SPTBN1: variants seen among roughly 807,000 people sequenced by gnomAD.
SPTBN1 encodes the protein spectrin beta, non-erythrocytic 1.
Under a neutral mutation model 266.4 loss-of-function variants are expected in SPTBN1, and 32 were observed. The observed-to-expected ratio is 0.12, with a 90% confidence interval of 0.09 to 0.16. The LOEUF (loss-of-function observed/expected upper bound fraction) is 0.16, where lower values mean the gene tolerates loss of function less well. Among genes scored for constraint, SPTBN1 ranks in the 10% least tolerant of loss-of-function variants. SPTBN1 has a pLI of 1.00. For synonymous variants in SPTBN1, 1,336 were observed against 1,162.2 expected (o/e 1.15, Z -3.04); for missense variants, 2,296 against 3,067.1 (o/e 0.75, Z 5.94).
Position 54,649,253 on chromosome 2 carries a change from G to A in SPTBN1, c.5202+63G>A. 6.6e-7 allele frequency: 1 copy of A among 1,507,454 alleles called. No individual in the cohort carries two copies. The highest frequency in any genetic ancestry group is 9.0e-7 in the Non-Finnish European group (1 of 1,110,896). 93.4% of individuals were successfully genotyped at this position (1,507,454 alleles called of 1,614,324 possible). On this transcript the variant is annotated intron_variant, in intron 25 of 35. Coordinates refer to ENST00000356805, the MANE Select transcript of SPTBN1 (RefSeq NM_003128.3). The surrounding 1 kb of genome is among the most constrained non-coding windows in gnomAD (Gnocchi z 6.7). ...TAAGCGATGGTGTGGAAGGCCATTTGCATTCCTTGTCTGTGAGCAGATAAA... is the reference window on the plus strand; with the variant it reads ...TAAGCGATGGTGTGGAAGGCCATTTACATTCCTTGTCTGTGAGCAGATAAA...
intron 1 of SPTBN1, among the ~76,000 whole-genome samples, chr2:54,497,327 A>G (rs1422943428): frequency 6.6e-6 from 1 of 152,188 alleles, no homozygotes; most frequent in Non-Finnish European, 1.5e-5. Flanking sequence ...TTATAACTGG[A>G]ACATTTAGCC....
In SPTBN1 at chr2:54,494,920, A is replaced by ATT. The variant is rs1558777699; in HGVS notation, c.-47-31452_-47-31451insTT. Among the ~76,000 whole-genome samples the ATT allele has an allele frequency of 7.1e-3, 987 of 138,148 alleles. 16 individuals carry two copies. Among genetic ancestry groups the ATT allele is most frequent in the African/African-American group, 0.03 (951 of 31,848 alleles). 90.6% of individuals were successfully genotyped at this position (138,148 alleles called of 152,430 possible). ...CCTGAATAAAGCTGTTTTTTTTTAA[A>ATT]AAAAAAAAAATGTCCTGAAAAAAGT... On this transcript the variant is annotated intron_variant, in intron 1 of 35. Transcript: ENST00000356805.
At chr2:54,498,049 T>C (rs188722075) in intron 1 of SPTBN1, among the ~76,000 whole-genome samples, 6 of 152,328 alleles carry the variant, frequency 3.9e-5, no homozygotes, top group Middle Eastern at 3.4e-3. Flanking sequence ...TCTGTATTCT[T>C]TTGCTTAAAG....
rs779865142 is a variant in SPTBN1, at chr2:54,526,489, G to A, written c.71G>A (p.Arg24His). The change falls in exon 2 of 36, where the codon CGC (arginine) becomes CAC (histidine). Residue 24 changes from arginine (R) to histidine (H), a missense_variant. Arg to His is a conservative substitution (Grantham distance 29, BLOSUM62 0). Coordinates refer to ENST00000356805, the MANE Select transcript of SPTBN1 (RefSeq NM_003128.3). Reference protein sequence around the residue: ...IQQQYSDVNNRWDVDDWDNEN... With the variant: ...IQQQYSDVNNHWDVDDWDNEN... ...CAGCAGTACAGTGATGTCAACAACCGCTGGGATGTCGACGACTGGGACAAT... is the reference window on the plus strand; with the variant it reads ...CAGCAGTACAGTGATGTCAACAACCACTGGGATGTCGACGACTGGGACAAT... 7 of 1,614,036 alleles carry A rather than the reference G, an allele frequency of 4.3e-6. No homozygotes were observed. Among genetic ancestry groups the A allele is most frequent in the Non-Finnish European group, 5.9e-6 (7 of 1,180,016 alleles).
intron 1 of SPTBN1, among the ~76,000 whole-genome samples, chr2:54,461,290 T>G (rs1384312888): frequency 6.6e-6 from 1 of 152,254 alleles, no homozygotes; most frequent in Non-Finnish European, 1.5e-5. Flanking sequence ...CTGTATTTCA[T>G]TCAGTTTCAC....
At position 54,646,636 on chromosome 2, in the gene SPTBN1, G is replaced by A. The variant is rs1444896251; in HGVS notation, c.4866+161G>A. Among the ~76,000 whole-genome samples the A allele has an allele frequency of 4.6e-5, 7 of 152,226 alleles. No individual in the cohort carries two copies. The East Asian group carries it at 1.3e-3, about 29-fold the overall frequency. ...GAAGGTGTCTGAAATCCAGCTGCTG[G>A]TTTCCCTTTGGTGCAGCATTTTCTT... is the stretch of plus-strand genomic sequence containing the variant. On this transcript the variant is annotated intron_variant, in intron 23 of 35. Transcript: ENST00000356805. This position sits in a 1 kb window ranked among gnomAD's most constrained non-coding sequence, Gnocchi z 4.4.
chr2:54,556,390 T>C (rs1672877480), intron 2 of SPTBN1, among the ~76,000 whole-genome samples: 1 of 152,252 alleles, frequency 6.6e-6, no homozygotes, highest in Non-Finnish European at 1.5e-5. Context: ...ACTGCCATCA[T>C]ATTATGTGCA....
chr2:54,542,916 C>T (rs897193722), intron 2 of SPTBN1, among the ~76,000 whole-genome samples: 20 of 152,302 alleles, frequency 1.3e-4, no homozygotes, highest in Non-Finnish European at 2.4e-4. Context: ...CCCTTTCTAT[C>T]GTGTGGCCTC....
At chr2:54,616,423 G>T (rs530773715) in intron 5 of SPTBN1, 125 bp downstream of exon 5, 18 of 692,044 alleles carry the variant, frequency 2.6e-5, no homozygotes, top group African/African-American at 2.2e-4. Flanking sequence ...TTGTTAACTC[G>T]CAAGCAGTTG....
At chr2:54,584,284 ATATT>A (rs1379914730) in intron 2 of SPTBN1, among the ~76,000 whole-genome samples, 2 of 152,172 alleles carry the variant, frequency 1.3e-5, no homozygotes, top group Non-Finnish European at 2.9e-5. Flanking sequence ...CTATTAATGT[ATATT>A]TAGTTTCTAG....
At chr2:54,595,554 C>T (rs1301151033) in intron 2 of SPTBN1, among the ~76,000 whole-genome samples, 1 of 152,258 alleles carries the variant, frequency 6.6e-6, no homozygotes, top group East Asian at 1.9e-4. Context: ...CCCAGCCCGC[C>T]CCAGCTCCAT....
chr2:54,585,728 G>T (rs73934492), intron 2 of SPTBN1, among the ~76,000 whole-genome samples: 2,391 of 152,272 alleles, frequency 0.016, 76 homozygotes, highest in African/African-American at 0.055. Flanking sequence ...AACTCTTAAT[G>T]CTTTTAGATG....
intron 2 of SPTBN1, among the ~76,000 whole-genome samples, chr2:54,572,963 C>G (rs1674189008): frequency 6.6e-6 from 1 of 152,160 alleles, no homozygotes; most frequent in Non-Finnish European, 1.5e-5. Flanking sequence ...AGCTGACTGC[C>G]TTTGTGTTTG....
intron 2 of SPTBN1, chr2:54,529,445 G>A (rs780517195): frequency 3.7e-5 from 26 of 708,252 alleles, no homozygotes; most frequent in African/African-American, 1.4e-4. Context: ...AGGTGTCCAC[G>A]GCCACAAAAA....
At chr2:54,659,416 A>T in intron 31 of SPTBN1, 150 bp downstream of exon 31, 2 of 748,912 alleles carry the variant, frequency 2.7e-6, no homozygotes, top group South Asian at 1.7e-5. Context: ...CTGTACAGTT[A>T]TCCCTAAATA....
intron 1 of SPTBN1, among the ~76,000 whole-genome samples, chr2:54,498,163 A>C (rs1178670686): frequency 6.6e-6 from 1 of 152,212 alleles, no homozygotes; most frequent in East Asian, 1.9e-4. Context: ...AGCCAAACCC[A>C]GACTGAAAGG....
rs7585151 is a variant in SPTBN1 at position 54,558,446 on chromosome 2, A to G, written c.148+31880A>G. ...CGGGCTCGGCAACCGTGGCATGCTTAGGATTGGCCATATTTAAAAGTTCTG... is the reference window on the plus strand; with the variant it reads ...CGGGCTCGGCAACCGTGGCATGCTTGGGATTGGCCATATTTAAAAGTTCTG... On this transcript the variant is annotated intron_variant, in intron 2 of 35. Coordinates refer to ENST00000356805, the MANE Select transcript of SPTBN1 (RefSeq NM_003128.3). The surrounding 1 kb of genome is among the most constrained non-coding windows in gnomAD (Gnocchi z 4.6). 235 of 1,039,298 alleles carry G rather than the reference A, an allele frequency of 2.3e-4. 2 individuals are homozygous for G. The African/African-American group carries it at 3.4e-3, about 15-fold the overall frequency. The allele number at this position is 1,039,298 out of a possible 1,614,324, so 64.4% of individuals were successfully genotyped here. A position where few individuals can be genotyped will look rare whatever the true frequency, so the allele number is the denominator to read the frequency against.
At chr2:54,621,017 A>G (rs532443884) in intron 7 of SPTBN1, among the ~76,000 whole-genome samples, 1 of 152,290 alleles carries the variant, frequency 6.6e-6, no homozygotes, top group African/African-American at 2.4e-5. Context: ...GGTCATCCCA[A>G]CTTAGACTCA....
intron 17 of SPTBN1, 134 bp from the exon 18 acceptor site, chr2:54,637,579 T>G (rs1179193974): frequency 2.9e-6 from 2 of 700,876 alleles, no homozygotes; most frequent in Non-Finnish European, 4.7e-6. Context: ...TCTTGTCTCC[T>G]TCACATTATT....
Sources: gnomAD v4.1 joint callset for allele counts (sites outside exome capture counted in the v4.1 genomes callset) on GRCh38, gnomAD v4.1.1 for gene constraint, Gnocchi (gnomAD v3.1) non-coding constraint, MANE v1.5 for transcripts, NCBI Gene and HGNC (gene_info 2026-07-23, HGNC 2026-07-21) for gene names.